Variants in RPL5 observed in about 807,000 individuals in gnomAD.
The protein encoded by RPL5 is ribosomal protein L5, also known as large ribosomal subunit protein uL18.
In RPL5, 1 loss-of-function variant was observed where a neutral mutation model predicts 38.4. The ratio of observed to expected loss-of-function variants is 0.03; its 90% CI spans 0.01 to 0.12. The LOEUF is 0.12. RPL5 is among the 10% of genes least tolerant of loss of function. The pLI, the probability that RPL5 is intolerant of heterozygous loss-of-function variation, is 1.00. For synonymous variants in RPL5, 109 were observed against 121.2 expected (o/e 0.90, Z 0.66); for missense variants, 243 against 374.1 (o/e 0.65, Z 2.89).
chr1:92,834,065 C>T (rs2100678380), intron 3 of RPL5: 1 of 269,838 alleles, frequency 3.7e-6, no homozygotes, highest in Non-Finnish European at 7.2e-6. Flanking sequence ...CCCAGCCCTC[C>T]AACCTAGGTG....
chr1:92,840,571 A>C lies in RPL5; in HGVS notation c.726A>C (p.Lys242Asn). The change falls in exon 7 of 8, where the codon AAA becomes AAC. Residue 242 changes from lysine to asparagine, a missense_variant. Coordinates refer to ENST00000370321, the MANE Select transcript of RPL5 (RefSeq NM_000969.5). ...TPDMMEEMYKKAHAAIRENPV... is the reference protein window; with the variant it reads ...TPDMMEEMYKNAHAAIRENPV... ...TTCAGATGGAGGAGATGTATAAGAA[A>C]GCTCATGCTGCTATACGAGAGAATC... 1.2e-6 allele frequency: 2 copies of C among 1,613,216 alleles called. No individual in the cohort carries two copies. Among genetic ancestry groups the C allele is most frequent in the Non-Finnish European group, 1.7e-6 (2 of 1,179,834 alleles).
chr1:92,833,343 A>C (rs750956864), intron 1 of RPL5, 46 bp from the exon 2 acceptor site: 2 of 1,451,406 alleles, frequency 1.4e-6, no homozygotes, highest in African/African-American at 2.8e-5. Flanking sequence ...CAAAAGTATC[A>C]TAGGCTAAGA....
intron 5 of RPL5, 158 bp from the exon 6 acceptor site, chr1:92,837,298 T>A: frequency 1.3e-6 from 1 of 783,868 alleles, no homozygotes; most frequent in East Asian, 2.4e-5. Context: ...TGCTGAATGA[T>A]GATATCCCAC....
chr1:92,833,475 G>A lies in RPL5; in HGVS notation c.73+17G>A, dbSNP rs766006888. The A allele has an allele frequency of 6.2e-7, 1 of 1,613,616 alleles. No homozygotes were observed. The highest frequency in any genetic ancestry group is 8.5e-7 in the Non-Finnish European group (1 of 1,179,624). On this transcript the variant is annotated intron_variant, in intron 2 of 7. Transcript: ENST00000370321. ...GACGACGAGGTACTGTCACCTTTTT[G>A]TGTTTACAATATTAATCTGCTTTGC...
intron 6 of RPL5, 84 bp downstream of exon 6, chr1:92,837,717 T>C (rs1687183819): frequency 2.8e-6 from 3 of 1,087,848 alleles, no homozygotes; most frequent in African/African-American, 3.1e-5. Flanking sequence ...GTAACATTCT[T>C]ATATAGGTGT....
At chr1:92,835,121 A>G in intron 4 of RPL5, 2 of 677,520 alleles carry the variant, frequency 3.0e-6, no homozygotes, top group East Asian at 2.8e-5. Flanking sequence ...TTTGCTGTCC[A>G]GTGGTTTTGC....
chr1:92,833,433 C>T lies in RPL5; in HGVS notation c.48C>T (p.Tyr16=), dbSNP rs148673599. The T allele has an allele frequency of 4.3e-6, 7 of 1,613,836 alleles. No homozygotes were observed. In the Admixed American group the frequency reaches 1.2e-4, roughly 27 times the overall value. ...VVKNKAYFKR[Y]QVKFRRRREG... is the part of the protein sequence containing the mutation. ...AGAATAAGGCCTACTTTAAGAGATA[C>T]CAAGTGAAATTTAGAAGACGACGAG... is the stretch of plus-strand genomic sequence containing the variant. The change falls in exon 2 of 8, where the codon TAC becomes TAT. Residue 16 remains tyrosine (Y), a synonymous_variant. Transcript: ENST00000370321.
chr1:92,837,721 T>C lies in RPL5; in HGVS notation c.705+88T>C. 1.1e-5 allele frequency: 12 copies of C among 1,061,342 alleles called. No homozygotes were observed. In the South Asian group the frequency reaches 1.6e-4, roughly 14 times the overall value. 65.7% of individuals were successfully genotyped at this position (1,061,342 alleles called of 1,614,324 possible). A position where few individuals can be genotyped will look rare whatever the true frequency, so the allele number is the denominator to read the frequency against. On this transcript the variant is annotated intron_variant, in intron 6 of 7. Coordinates refer to ENST00000370321, the MANE Select transcript of RPL5 (RefSeq NM_000969.5). Reference sequence around the variant, plus strand: ...TTTGGGGGCAGGTAACATTCTTATATAGGTGTGTTTCTTGACAACATGAGC... The same window carrying C: ...TTTGGGGGCAGGTAACATTCTTATACAGGTGTGTTTCTTGACAACATGAGC...
At chr1:92,833,989 TC>T (rs1465523532) in intron 3 of RPL5, 1 of 336,892 alleles carries the variant, frequency 3.0e-6, no homozygotes, top group Non-Finnish European at 5.7e-6. Flanking sequence ...GCACCTGTAG[TC>T]CCAGCTACTC....
chr1:92,839,264 C>T (rs916595397), intron 6 of RPL5, among the ~76,000 whole-genome samples: 3 of 152,116 alleles, frequency 2.0e-5, no homozygotes, highest in African/African-American at 7.2e-5. Context: ...GAGGCTGAGG[C>T]AGAAGAATTG....
Position 92,833,221 on chromosome 1 carries a change from A to G in RPL5, c.4-168A>G, listed in dbSNP as rs1686981595. The G allele has an allele frequency of 3.2e-5, 21 of 658,338 alleles. No homozygotes were observed. The South Asian group carries it at 3.8e-4, about 12-fold the overall frequency. The allele number at this position is 658,338 out of a possible 1,614,324, so 40.8% of individuals were successfully genotyped here. A position where few individuals can be genotyped will look rare whatever the true frequency, so the allele number is the denominator to read the frequency against. ...TACTAGTCTGTGACATGGAAGGTAG[A>G]GGAAAAAGATTCTTGACCCTAGTTG... On this transcript the variant is annotated intron_variant, in intron 1 of 7. Coordinates refer to ENST00000370321, the MANE Select transcript of RPL5 (RefSeq NM_000969.5).
In RPL5 at chr1:92,841,216, A is replaced by G. The variant is rs145391775; in HGVS notation, c.795-550A>G. Among the ~76,000 whole-genome samples the G allele has an allele frequency of 7.9e-3, 1,198 of 152,302 alleles. 20 individuals are homozygous for G. Among genetic ancestry groups the G allele is most frequent in the South Asian group, 0.028 (136 of 4,828 alleles). On this transcript the variant is annotated intron_variant, in intron 7 of 7. Coordinates refer to ENST00000370321, the MANE Select transcript of RPL5 (RefSeq NM_000969.5). Reference sequence around the variant, plus strand: ...GCACCCACCAGCCTCTGTAACCACCATTCTGCTCTCTGCTTCTGTGAGTTC... The same window carrying G: ...GCACCCACCAGCCTCTGTAACCACCGTTCTGCTCTCTGCTTCTGTGAGTTC...
At chr1:92,841,075 C>CT (rs1687345604) in intron 7 of RPL5, among the ~76,000 whole-genome samples, 1 of 152,204 alleles carries the variant, frequency 6.6e-6, no homozygotes, top group African/African-American at 2.4e-5. Flanking sequence ...AATTTATTCT[C>CT]TTAATTGTGA....
chr1:92,839,002 A>G (rs762978692), intron 6 of RPL5, among the ~76,000 whole-genome samples: 7 of 149,910 alleles, frequency 4.7e-5, no homozygotes, highest in Non-Finnish European at 1.0e-4. Flanking sequence ...GTAGTGGGCT[A>G]TAATTATTAG....
intron 1 of RPL5, chr1:92,832,904 C>T (rs898734893): frequency 6.0e-6 from 4 of 671,656 alleles, no homozygotes; most frequent in Admixed American, 4.6e-5. Context: ...GAGAGAGGTA[C>T]GTAGTTGTTA....
upstream of RPL5, chr1:92,832,001 C>G: frequency 1.3e-6 from 2 of 1,521,160 alleles, no homozygotes; most frequent in African/African-American, 1.4e-5. Flanking sequence ...CTGGCGTGAC[C>G]GTCCGCGCTA....
chr1:92,833,194 A>G, intron 1 of RPL5, 195 bp from the exon 2 acceptor site: 1 of 647,920 alleles, frequency 1.5e-6, no homozygotes. Context: ...GTTTTATGAA[A>G]CTACTAGTCT....
chr1:92,841,436 T>C (rs947442566), intron 7 of RPL5, among the ~76,000 whole-genome samples: 3 of 152,190 alleles, frequency 2.0e-5, no homozygotes, highest in Non-Finnish European at 2.9e-5. Flanking sequence ...TATTAATATA[T>C]AGTGCTGCAA....
At chr1:92,835,478 C>A (rs967678674) in intron 4 of RPL5, among the ~76,000 whole-genome samples, 1 of 151,054 alleles carries the variant, frequency 6.6e-6, no homozygotes, top group Non-Finnish European at 1.5e-5. Context: ...CATGGTGAAG[C>A]CCTGTCTCTA....
Sources: allele counts gnomAD v4.1 joint callset (sites outside exome capture counted in the v4.1 genomes callset), GRCh38; gene constraint gnomAD v4.1.1; transcripts MANE v1.5; gene names NCBI Gene and HGNC (gene_info 2026-07-23, HGNC 2026-07-21).